SLF1: variants seen among roughly 807,000 people sequenced by gnomAD.
SLF1 encodes SMC5-SMC6 complex localization factor protein 1.
A neutral mutation model predicts 123.0 loss-of-function variants in SLF1; 105 were observed. The ratio of observed to expected loss-of-function variants is 0.85; its 90% CI spans 0.73 to 1.00. SLF1 has a LOEUF of 1.00. Among genes scored for constraint, SLF1 ranks in the 50% least tolerant of loss-of-function variants. SLF1 has a pLI of 0.00. For missense variants in SLF1, 1,239 were observed against 1,223.0 expected (o/e 1.01, Z -0.20); for synonymous variants, 434 against 406.6 (o/e 1.07, Z -0.81).
At chr5:94,633,892 G>A (rs1032325985) in intron 4 of SLF1, among the ~76,000 whole-genome samples, 4 of 151,970 alleles carry the variant, frequency 2.6e-5, no homozygotes, top group South Asian at 2.1e-4. Flanking sequence ...ATTTGCTTTC[G>A]TTATTTTTCT....
rs540489167 is a variant in SLF1, at chr5:94,696,928, A to C, written c.*1616A>C. On this transcript the variant is annotated 3_prime_UTR_variant, in exon 21 of 21. Coordinates refer to ENST00000265140, the MANE Select transcript of SLF1 (RefSeq NM_032290.4). Reference sequence around the variant, plus strand: ...TTTCTAATTCTTACCTCCTCTTTTGATTATAATGAATCATTTAGACAAAAG... The same window carrying C: ...TTTCTAATTCTTACCTCCTCTTTTGCTTATAATGAATCATTTAGACAAAAG... 1.6e-4 allele frequency: 24 copies of C among 151,894 alleles called. No individual in the cohort carries two copies. Among genetic ancestry groups the C allele is most frequent in the Non-Finnish European group, 7.4e-5 (5 of 67,868 alleles). The allele number at this position is 151,894 out of a possible 1,614,324, so 9.4% of individuals were successfully genotyped here.
At position 94,651,801 on chromosome 5, in the gene SLF1, G is replaced by A; in HGVS notation, c.838G>A (p.Val280Ile). The A allele has an allele frequency of 6.7e-7, 1 of 1,503,046 alleles. No individual in the cohort carries two copies. The highest frequency in any genetic ancestry group is 1.3e-5 in the South Asian group (1 of 76,764). 93.1% of individuals were successfully genotyped at this position (1,503,046 alleles called of 1,614,324 possible). ...FSGSSKDLKF[V>I]KMRNTFGSHT... ...TGGTTCCAGTAAAGATTTGAAATTT[G>A]TTAAAATGAGAAATACCTTTGGAAG... Residue 280 changes from valine to isoleucine, a missense_variant, in exon 7 of 21, where the codon GTT becomes ATT. Val to Ile is a conservative substitution (Grantham distance 29). Transcript: ENST00000265140.
chr5:94,660,381 T>C (rs914717757), intron 9 of SLF1, among the ~76,000 whole-genome samples: 1 of 152,148 alleles, frequency 6.6e-6, no homozygotes, highest in Non-Finnish European at 1.5e-5. Context: ...GTAGGCCTGT[T>C]ATCAGGCCTC....
rs369379601 is a variant in SLF1 at position 94,695,540 on chromosome 5, G to A, written c.*228G>A. ...TTGACTCAAAAGTAAAAATAATTTTGTTTTAGTATATTCTACTTTCATTAA... is the reference window on the plus strand; with the variant it reads ...TTGACTCAAAAGTAAAAATAATTTTATTTTAGTATATTCTACTTTCATTAA... On this transcript the variant is annotated 3_prime_UTR_variant, in exon 21 of 21. Coordinates refer to ENST00000265140, the MANE Select transcript of SLF1 (RefSeq NM_032290.4). 6.6e-6 allele frequency: 2 copies of A among 303,158 alleles called. No individual in the cohort carries two copies. The highest frequency in any genetic ancestry group is 2.4e-5 in the African/African-American group (1 of 42,154). The allele number at this position is 303,158 out of a possible 1,614,324, so 18.8% of individuals were successfully genotyped here. A position where few individuals can be genotyped will look rare whatever the true frequency, so the allele number is the denominator to read the frequency against.
chr5:94,679,095 T>A (rs1549179), intron 15 of SLF1, 140 bp downstream of exon 15: 430,396 of 833,022 alleles, frequency 0.52, 113,751 homozygotes, highest in African/African-American at 0.65. Flanking sequence ...ACACATAGAT[T>A]CACACACACA....
chr5:94,626,930 A>G (rs534303008), intron 1 of SLF1, among the ~76,000 whole-genome samples: 2 of 152,336 alleles, frequency 1.3e-5, no homozygotes, highest in South Asian at 2.1e-4. Flanking sequence ...CCCTAGCTGA[A>G]CTTCTCCTCT....
intron 6 of SLF1, among the ~76,000 whole-genome samples, chr5:94,650,921 A>G (rs1395982810): frequency 6.6e-6 from 1 of 152,228 alleles, no homozygotes. Context: ...AGTTTTGAAT[A>G]AACATGGCAA....
chr5:94,694,696 T>G, intron 20 of SLF1, 135 bp from the exon 21 acceptor site: 1 of 1,130,020 alleles, frequency 8.8e-7, no homozygotes, highest in Non-Finnish European at 1.2e-6. Flanking sequence ...AGTCAGTTAA[T>G]TGTGTCGACA....
intron 2 of SLF1, 51 bp downstream of exon 2, chr5:94,628,975 T>C (rs904414453): frequency 1.8e-5 from 26 of 1,437,198 alleles, no homozygotes; most frequent in Non-Finnish European, 2.4e-5. Context: ...TAACTACAAT[T>C]CAAATACTGG....
chr5:94,650,969 C>G lies in SLF1; in HGVS notation c.739-733C>G, dbSNP rs1747648400. On this transcript the variant is annotated intron_variant, in intron 6 of 20. Transcript: ENST00000265140. Reference sequence around the variant, plus strand: ...GAAATTTTGTAAGATAAATGGAAATCATTAAAATACATCTACAGTCATGTA... The same window carrying G: ...GAAATTTTGTAAGATAAATGGAAATGATTAAAATACATCTACAGTCATGTA... Among the ~76,000 whole-genome samples the G allele has an allele frequency of 2.6e-5, 4 of 152,104 alleles. No individual in the cohort carries two copies. In the South Asian group the frequency reaches 8.3e-4, roughly 31 times the overall value.
chr5:94,689,729 G>A (rs1403330337), intron 18 of SLF1, 123 bp downstream of exon 18: 1 of 792,452 alleles, frequency 1.3e-6, no homozygotes, highest in Non-Finnish European at 1.9e-6. Context: ...GGTCCAGGAA[G>A]TACCTTCTTG....
intron 4 of SLF1, among the ~76,000 whole-genome samples, chr5:94,638,587 T>C (rs530995809): frequency 6.6e-6 from 1 of 152,332 alleles, no homozygotes; most frequent in South Asian, 2.1e-4. Flanking sequence ...CTCAGAATTC[T>C]ATAAAAGCTC....
chr5:94,648,682 A>G (rs772575011), intron 5 of SLF1, among the ~76,000 whole-genome samples: 7 of 152,038 alleles, frequency 4.6e-5, no homozygotes, highest in Non-Finnish European at 1.0e-4. Context: ...GGGTTTCACC[A>G]TGTTGGGCAG....
chr5:94,636,998 G>A (rs896058961), intron 4 of SLF1, among the ~76,000 whole-genome samples: 1 of 152,142 alleles, frequency 6.6e-6, no homozygotes, highest in Non-Finnish European at 1.5e-5. Flanking sequence ...GAGATTACAG[G>A]CATGGGCCAC....
chr5:94,667,816 A>G (rs1370135273), intron 12 of SLF1, among the ~76,000 whole-genome samples: 1 of 151,978 alleles, frequency 6.6e-6, no homozygotes, highest in Non-Finnish European at 1.5e-5. Flanking sequence ...TGGCACAATC[A>G]CGGCTCACTG....
intron 5 of SLF1, among the ~76,000 whole-genome samples, chr5:94,647,849 G>T (rs753439904): frequency 2.0e-5 from 3 of 152,148 alleles, no homozygotes; most frequent in Non-Finnish European, 4.4e-5. Flanking sequence ...TCTGTATCAG[G>T]TTGTGATTTT....
At position 94,682,365 on chromosome 5, in the gene SLF1, TA is replaced by T. The variant is rs143410945; in HGVS notation, c.1975+3418del. ...TTCTTTTCTCTGCGGATATTCCTTT[TA>T]AAAAAAATCATTTATTTTGCATTAT... On this transcript the variant is annotated intron_variant, in intron 15 of 20. Coordinates refer to ENST00000265140, the MANE Select transcript of SLF1 (RefSeq NM_032290.4). Among the ~76,000 whole-genome samples the T allele has an allele frequency of 4.0e-3, 603 of 152,150 alleles. 5 individuals carry two copies. Among genetic ancestry groups the T allele is most frequent in the Middle Eastern group, 0.014 (4 of 294 alleles).
At chr5:94,676,583 A>G (rs1751091478) in intron 14 of SLF1, among the ~76,000 whole-genome samples, 1 of 152,132 alleles carries the variant, frequency 6.6e-6, no homozygotes. Context: ...GAAGTACACC[A>G]CTTTCTTAAT....
chr5:94,628,822 T>C lies in SLF1; in HGVS notation c.12T>C (p.Gly4=). ...TTTGTATTTGTTAGATGGAAGATGG[T>C]ACCCCAAAGCATATCATCCAGATGA... The part of the protein sequence containing the change: MED[G]TPKHIIQMTG... The change falls in exon 2 of 21, where the codon GGT becomes GGC. Residue 4 remains glycine, a synonymous_variant. Transcript: ENST00000265140. 1 of 1,538,864 alleles carries C rather than the reference T, an allele frequency of 6.5e-7. No individual in the cohort carries two copies. The highest frequency in any genetic ancestry group is 8.8e-7 in the Non-Finnish European group (1 of 1,141,714).
Sources: gnomAD v4.1 joint callset for allele counts (sites outside exome capture counted in the v4.1 genomes callset) on GRCh38, gnomAD v4.1.1 for gene constraint, MANE v1.5 for transcripts, NCBI Gene and HGNC (gene_info 2026-07-23, HGNC 2026-07-21) for gene names.